The following TRPM3 variants were observed in gnomAD, a reference collection of about 807,000 sequenced individuals.
The protein encoded by TRPM3 is long transient receptor potential channel 3.
A neutral mutation model predicts 181.2 loss-of-function variants in TRPM3; 77 were observed. The observed-to-expected ratio is 0.42, with a 90% CI of 0.35 to 0.51. The LOEUF (loss-of-function observed/expected upper bound fraction) is 0.51, where lower values mean the gene tolerates loss of function less well. Ranked by LOEUF, TRPM3 falls within the 20% of genes least tolerant of loss-of-function variation. The probability of loss-of-function intolerance (pLI) is 0.01; values close to 1 mark genes in which losing one functional copy is unlikely to be tolerated. For synonymous variants in TRPM3, 745 were observed against 796.4 expected, an observed-to-expected ratio of 0.94 and a Z score of 1.09; for missense variants, 1,759 against 2,196.7, an observed-to-expected ratio of 0.80 and a Z score of 3.98.
intron 1 of TRPM3, among the ~76,000 whole-genome samples, chr9:71,007,076 AGAC>A (rs2097686570): frequency 1.5e-5 from 2 of 136,786 alleles, no homozygotes; most frequent in Non-Finnish European, 1.6e-5. Flanking sequence ...AAGAAAAAAA[AGAC>A]TAAGTCAGGA....
intron 1 of TRPM3, among the ~76,000 whole-genome samples, chr9:71,155,419 G>C (rs1053573324): frequency 6.6e-6 from 1 of 152,100 alleles, no homozygotes; most frequent in South Asian, 2.1e-4. Flanking sequence ...CTGGGTTCAG[G>C]TGAATTCTCC....
chr9:71,183,347 T>C (rs2077508367), intron 1 of TRPM3, among the ~76,000 whole-genome samples: 1 of 152,132 alleles, frequency 6.6e-6, no homozygotes, highest in South Asian at 2.1e-4. Context: ...AACATCTCTC[T>C]TGAATCAGAT....
chr9:70,678,335 G>A (rs1373770879), intron 9 of TRPM3, among the ~76,000 whole-genome samples: 1 of 151,912 alleles, frequency 6.6e-6, no homozygotes, highest in Non-Finnish European at 1.5e-5. Context: ...TGGTGCAATC[G>A]TGACTCACTG....
At chr9:70,938,567 C>A (rs1170695631) in intron 1 of TRPM3, among the ~76,000 whole-genome samples, 1 of 152,110 alleles carries the variant, frequency 6.6e-6, no homozygotes, top group African/African-American at 2.4e-5. Flanking sequence ...CCATTGTCAG[C>A]CCCCTTCTCG....
chr9:71,189,876 T>G (rs1030135040), intron 1 of TRPM3, among the ~76,000 whole-genome samples: 1 of 151,884 alleles, frequency 6.6e-6, no homozygotes, highest in African/African-American at 2.4e-5. Context: ...TTTTCAAATC[T>G]TCTATCTCCA....
intron 1 of TRPM3, among the ~76,000 whole-genome samples, chr9:70,967,532 TA>T (rs1182478573): frequency 5.3e-5 from 8 of 152,240 alleles, no homozygotes; most frequent in African/African-American, 1.7e-4. Flanking sequence ...CATAAAATAA[TA>T]TGAATCACCA....
At chr9:70,623,386 C>A (rs2063946423) in intron 14 of TRPM3, among the ~76,000 whole-genome samples, 2 of 147,448 alleles carry the variant, frequency 1.4e-5, no homozygotes, top group African/African-American at 5.0e-5. Flanking sequence ...AAAAAAAAAT[C>A]ATGCCCACTA....
chr9:71,331,844 GAGGAAGAAGAGGAGACGGAGGAGGAGGA>G, intron 1 of TRPM3, among the ~76,000 whole-genome samples: 1 of 115,966 alleles, frequency 8.6e-6, no homozygotes, highest in Admixed American at 9.1e-5. Context: ...GAGGGAGGAG[GAGGAAGAAGAGGAGACGGAGGAGGAGGA>G]AGAAAGAGGA....
At chr9:71,201,178 C>A (rs1039310818) in intron 1 of TRPM3, among the ~76,000 whole-genome samples, 7 of 151,768 alleles carry the variant, frequency 4.6e-5, no homozygotes, top group Admixed American at 3.9e-4. Context: ...AAATTCTTTT[C>A]TTTAAGAATG....
chr9:70,850,476 G>A (rs73647171), intron 3 of TRPM3, among the ~76,000 whole-genome samples: 1 of 152,132 alleles, frequency 6.6e-6, no homozygotes, highest in Admixed American at 6.6e-5. Context: ...CACTTTGGAG[G>A]TGTTGGGTAA....
chr9:71,096,789 G>A (rs912349660), intron 1 of TRPM3, among the ~76,000 whole-genome samples: 1 of 151,976 alleles, frequency 6.6e-6, no homozygotes, highest in Non-Finnish European at 1.5e-5. Context: ...TGGTGGTCAA[G>A]TAAATTTATG....
At chr9:70,541,489 A>G (rs141093401) in intron 25 of TRPM3, among the ~76,000 whole-genome samples, 79 of 149,516 alleles carry the variant, frequency 5.3e-4, no homozygotes, top group African/African-American at 1.9e-3. Flanking sequence ...TTGTTTCATA[A>G]CTAGACTGGT....
intron 1 of TRPM3, among the ~76,000 whole-genome samples, chr9:71,314,286 A>G (rs185275951): frequency 1.3e-5 from 2 of 152,288 alleles, no homozygotes; most frequent in African/African-American, 4.8e-5. Flanking sequence ...TTTATCAAAG[A>G]AAAATATCAC....
chr9:71,124,866 A>C (rs1217194654), upstream of TRPM3, among the ~76,000 whole-genome samples: 1 of 152,210 alleles, frequency 6.6e-6, no homozygotes, highest in Non-Finnish European at 1.5e-5. Context: ...GAGAACTCAA[A>C]AGCCTCCCTC....
chr9:71,357,814 T>A (rs2091968685), intron 1 of TRPM3, among the ~76,000 whole-genome samples: 1 of 152,088 alleles, frequency 6.6e-6, no homozygotes, highest in African/African-American at 2.4e-5. Context: ...TTGAGTCAAA[T>A]AACTATTCAG....
chr9:70,985,146 T>C (rs2097406075), intron 1 of TRPM3, among the ~76,000 whole-genome samples: 1 of 152,222 alleles, frequency 6.6e-6, no homozygotes, highest in African/African-American at 2.4e-5. Context: ...ATAGCTGTAC[T>C]GCAGCAGAGG....
intron 1 of TRPM3, among the ~76,000 whole-genome samples, chr9:70,985,300 G>C (rs949718953): frequency 6.6e-6 from 1 of 152,150 alleles, no homozygotes; most frequent in Non-Finnish European, 1.5e-5. Context: ...ATGGATGAAG[G>C]TAAGACTTTT....
chr9:70,743,991 T>G (rs1253559183), intron 8 of TRPM3, among the ~76,000 whole-genome samples: 1 of 152,032 alleles, frequency 6.6e-6, no homozygotes, highest in Non-Finnish European at 1.5e-5. Context: ...ATTCTATGTG[T>G]GTTCATTGGT....
intron 8 of TRPM3, among the ~76,000 whole-genome samples, chr9:70,684,038 G>C (rs2066157076): frequency 1.3e-5 from 2 of 152,156 alleles, no homozygotes; most frequent in Non-Finnish European, 2.9e-5. Flanking sequence ...AAGAAATTAG[G>C]CATCAAATGG....
Sources: allele counts gnomAD v4.1 joint callset (sites outside exome capture counted in the v4.1 genomes callset), GRCh38; gene constraint gnomAD v4.1.1; transcripts MANE v1.5; gene names NCBI Gene and HGNC (gene_info 2026-07-23, HGNC 2026-07-21).